The following FMN2 variants were observed in gnomAD, a reference collection of about 807,000 sequenced individuals.
FMN2 encodes formin 2.
Under a neutral mutation model 142.3 loss-of-function variants are expected in FMN2, and 51 were observed. The ratio of observed to expected loss-of-function variants is 0.36; its 90% CI spans 0.29 to 0.45. FMN2 has a LOEUF of 0.45. FMN2 is among the 20% of genes least tolerant of loss of function. The pLI is 1.00. For missense variants in FMN2, 1,936 were observed against 2,122.8 expected, an observed-to-expected ratio of 0.91 and a Z score of 1.73; for synonymous variants, 882 against 869.8, an observed-to-expected ratio of 1.01 and a Z score of -0.25.
intron 2 of FMN2, among the ~76,000 whole-genome samples, chr1:240,159,974 T>TATACACACACAC (rs1202421069): frequency 2.5e-4 from 33 of 134,074 alleles, no homozygotes; most frequent in South Asian, 7.3e-4. Context: ...TATATATATA[T>TATACACACACAC]ACACACACAC....
At chr1:240,202,686 A>G (rs57395268) in intron 4 of FMN2, among the ~76,000 whole-genome samples, 3,821 of 151,694 alleles carry the variant, frequency 0.025, 170 homozygotes, top group African/African-American at 0.087. Flanking sequence ...CTGGTCTCGA[A>G]CTCCTGGCTT....
intron 4 of FMN2, among the ~76,000 whole-genome samples, chr1:240,203,121 T>C (rs147434280): frequency 0.019 from 2,967 of 152,324 alleles, 61 homozygotes; most frequent in Non-Finnish European, 0.03. Flanking sequence ...TTAAGATAAA[T>C]TTGGGTGCTG....
chr1:240,246,989 C>A (rs1271510746), intron 6 of FMN2, among the ~76,000 whole-genome samples: 1 of 152,110 alleles, frequency 6.6e-6, no homozygotes, highest in Non-Finnish European at 1.5e-5. Flanking sequence ...ACTTTAGGTT[C>A]TTCTTCTCCA....
At chr1:240,216,867 T>C (rs1438663508) in intron 6 of FMN2, among the ~76,000 whole-genome samples, 1 of 151,942 alleles carries the variant, frequency 6.6e-6, no homozygotes, top group East Asian at 1.9e-4. Flanking sequence ...GAGAATTGCT[T>C]GAACCCGGGA....
chr1:240,227,554 A>G (rs1667355078), intron 6 of FMN2, among the ~76,000 whole-genome samples: 1 of 152,242 alleles, frequency 6.6e-6, no homozygotes, highest in Non-Finnish European at 1.5e-5. Context: ...AAGTTATTAC[A>G]AAACTATAGT....
At chr1:240,137,840 C>T (rs533632061) in intron 2 of FMN2, among the ~76,000 whole-genome samples, 25 of 152,004 alleles carry the variant, frequency 1.6e-4, no homozygotes, top group Middle Eastern at 6.8e-3. Flanking sequence ...ACCTGTAATC[C>T]CAACACTTTG....
rs190666849 is a variant in FMN2 at position 240,275,248 on chromosome 1, A to C, written c.4153+17216A>C. 3.6e-3 allele frequency among the ~76,000 whole-genome samples: 538 copies of C among 151,172 alleles called. 4 individuals carry two copies. The highest frequency in any genetic ancestry group is 0.026 in the South Asian group (122 of 4,716). The stretch of plus-strand genomic sequence containing the variant: ...ATGCTATCCCTCCCCTAGCCCCCCA[A>C]CCCCAAACAGGCCCCAGTGTGTGAT... On this transcript the variant is annotated intron_variant, in intron 7 of 17. Transcript: ENST00000319653.
At chr1:240,352,470 T>C (rs1269402108) in intron 13 of FMN2, among the ~76,000 whole-genome samples, 1 of 152,058 alleles carries the variant, frequency 6.6e-6, no homozygotes, top group Admixed American at 6.6e-5. Context: ...TAATCCCAGC[T>C]ACTCGGGAGG....
chr1:240,099,150 A>G (rs1392736421), intron 1 of FMN2, among the ~76,000 whole-genome samples: 4 of 152,072 alleles, frequency 2.6e-5, no homozygotes, highest in Admixed American at 2.6e-4. Flanking sequence ...GAGGCACTTA[A>G]CTGGGGCTAT....
In FMN2 at chr1:240,092,908, C is replaced by T; in HGVS notation, c.799C>T (p.Pro267Ser). 2 of 1,493,850 alleles carry T rather than the reference C, an allele frequency of 1.3e-6. No individual in the cohort carries two copies. Among genetic ancestry groups the T allele is most frequent in the African/African-American group, 1.4e-5 (1 of 71,428 alleles). The allele number at this position is 1,493,850 out of a possible 1,614,324, so 92.5% of individuals were successfully genotyped here. The change falls in exon 1 of 18, where the codon CCG (proline) becomes TCG (serine). Residue 267 changes from proline to serine, a missense_variant. Physicochemically the swap from Pro to Ser is moderately conservative, Grantham distance 74 (BLOSUM62 -1). Transcript: ENST00000319653. Reference sequence around the variant, plus strand: ...CGGGGCTGGGGAGGCCCCGGGCAGTCCGGACACCGAGCAGGCGCTGTCCGC... The same window carrying T: ...CGGGGCTGGGGAGGCCCCGGGCAGTTCGGACACCGAGCAGGCGCTGTCCGC... ...SGGAGEAPGS[P>S]DTEQALSALS...
intron 4 of FMN2, among the ~76,000 whole-genome samples, chr1:240,188,500 A>C (rs1337080176): frequency 6.6e-6 from 1 of 152,184 alleles, no homozygotes; most frequent in South Asian, 2.1e-4. Flanking sequence ...GTTTTATTCT[A>C]TATCCAGCCA....
intron 14 of FMN2, among the ~76,000 whole-genome samples, chr1:240,358,745 C>A (rs1326064152): frequency 6.6e-6 from 1 of 152,154 alleles, no homozygotes; most frequent in Non-Finnish European, 1.5e-5. Context: ...TCAATTACCT[C>A]CACCTCGTCT....
chr1:240,224,177 C>T (rs557760050), intron 6 of FMN2, among the ~76,000 whole-genome samples: 52 of 152,228 alleles, frequency 3.4e-4, no homozygotes, highest in Middle Eastern at 3.4e-3. Context: ...GATTCTGGTA[C>T]GTTGTATCTT....
At chr1:240,177,396 C>T (rs1664964664) in intron 2 of FMN2, among the ~76,000 whole-genome samples, 1 of 148,200 alleles carries the variant, frequency 6.7e-6, no homozygotes. Flanking sequence ...GGTTCATTCA[C>T]TGTTTCATGG....
chr1:240,307,525 T>G (rs1478417912), intron 8 of FMN2, among the ~76,000 whole-genome samples: 5 of 152,234 alleles, frequency 3.3e-5, no homozygotes, highest in Admixed American at 3.3e-4. Flanking sequence ...TGTTTATTTC[T>G]GCTAACTTTG....
chr1:240,348,213 G>GTTGA (rs386370182), intron 13 of FMN2, among the ~76,000 whole-genome samples: 3 of 145,986 alleles, frequency 2.1e-5, no homozygotes, highest in Non-Finnish European at 3.0e-5. Flanking sequence ...AGTATATGTT[G>GTTGA]TTTTTTTTAC....
intron 15 of FMN2, among the ~76,000 whole-genome samples, chr1:240,434,707 A>G (rs370893639): frequency 4.6e-4 from 67 of 146,940 alleles, no homozygotes; most frequent in African/African-American, 7.3e-4. Context: ...GATTACAGGC[A>G]CCCACAACCA....
At chr1:240,275,959 A>G (rs1669194008) in intron 7 of FMN2, among the ~76,000 whole-genome samples, 1 of 152,198 alleles carries the variant, frequency 6.6e-6, no homozygotes, top group East Asian at 1.9e-4. Context: ...AGTAGAAAGT[A>G]TAGCCTGTTT....
At chr1:240,115,699 G>A (rs1661993845) in intron 1 of FMN2, among the ~76,000 whole-genome samples, 1 of 152,154 alleles carries the variant, frequency 6.6e-6, no homozygotes, top group Non-Finnish European at 1.5e-5. Flanking sequence ...CCCAAAACTG[G>A]GGTTCTGCCT....
Sources: allele counts gnomAD v4.1 joint callset (sites outside exome capture counted in the v4.1 genomes callset), GRCh38; gene constraint gnomAD v4.1.1; transcripts MANE v1.5; gene names NCBI Gene and HGNC (gene_info 2026-07-23, HGNC 2026-07-21).